PALM: variants seen among roughly 807,000 people sequenced by gnomAD.
PALM encodes the protein paralemmin, also known as paralemmin-1.
PALM carries 18 observed loss-of-function variants against 30.7 expected under a neutral mutation model. The observed-to-expected ratio is 0.59, with a 90% CI of 0.41 to 0.87. The LOEUF (loss-of-function observed/expected upper bound fraction) is 0.87. PALM is among the 40% of genes least tolerant of loss of function. PALM has a pLI of 0.00. For missense variants in PALM, 529 were observed against 555.4 expected (o/e 0.95, Z 0.48); for synonymous variants, 286 against 242.8 (o/e 1.18, Z -1.66).
chr19:729,796 A>G (rs1311311292), intron 4 of PALM, among the ~76,000 whole-genome samples: 1 of 152,008 alleles, frequency 6.6e-6, no homozygotes, highest in Non-Finnish European at 1.5e-5. Context: ...AACATTAAGC[A>G]CCAGCTGTGT....
rs541612640 is a variant in PALM at position 747,514 on chromosome 19, C to G, written c.*700C>G. ...GGTAACCCCTGGGCTATCTTCTAGA[C>G]GGGGCGAACCAGGGGTCATTGACCT... On this transcript the variant is annotated 3_prime_UTR_variant, in exon 9 of 9. Transcript: ENST00000338448. 1 of 152,658 alleles carries G rather than the reference C, an allele frequency of 6.6e-6. No individual in the cohort carries two copies. 9.5% of individuals were successfully genotyped at this position (152,658 alleles called of 1,614,324 possible). A position where few individuals can be genotyped will look rare whatever the true frequency, so the allele number is the denominator to read the frequency against.
At chr19:736,976 C>A (rs2033042404) in intron 7 of PALM, among the ~76,000 whole-genome samples, 1 of 152,234 alleles carries the variant, frequency 6.6e-6, no homozygotes, top group South Asian at 2.1e-4. Context: ...TCGCTTGAAC[C>A]TGGGAGGCGG....
In PALM at chr19:737,145, G is replaced by T. The variant is rs376253139; in HGVS notation, c.502+1067G>T. On this transcript the variant is annotated intron_variant, in intron 7 of 8. Coordinates refer to ENST00000338448, the MANE Select transcript of PALM (RefSeq NM_002579.3). ...TGGAAGGAAGGAGAGCCACCCGGAG[G>T]CCCAGGTCTCCAGCACGGTCCAGGG... Among the ~76,000 whole-genome samples, 23 of 152,318 alleles carry T rather than the reference G, an allele frequency of 1.5e-4. No homozygotes were observed. The South Asian group carries it at 1.9e-3, about 12-fold the overall frequency.
At chr19:741,767 G>T (rs1358616120) in intron 8 of PALM, among the ~76,000 whole-genome samples, 1 of 152,082 alleles carries the variant, frequency 6.6e-6, no homozygotes. Flanking sequence ...AGGCAAACAG[G>T]CTGTGGGAGA....
intron 1 of PALM, among the ~76,000 whole-genome samples, chr19:724,756 A>G (rs2032606111): frequency 6.6e-6 from 1 of 152,056 alleles, no homozygotes; most frequent in African/African-American, 2.4e-5. Flanking sequence ...AGCTGGGACT[A>G]CAGGCGCACA....
At position 747,125 on chromosome 19, in the gene PALM, C is replaced by T. The variant is rs966510701; in HGVS notation, c.*311C>T. 26 of 312,270 alleles carry T rather than the reference C, an allele frequency of 8.3e-5. 2 individuals carry two copies. The South Asian group carries it at 1.0e-3, about 12-fold the overall frequency. The allele number at this position is 312,270 out of a possible 1,614,324, so 19.3% of individuals were successfully genotyped here. On this transcript the variant is annotated 3_prime_UTR_variant, in exon 9 of 9. Transcript: ENST00000338448. ...CTTCACAGACGCGGCTCGCGCCCACCGGGGTCCTGGCGGGTGGGACCCGCA... is the reference window on the plus strand; with the variant it reads ...CTTCACAGACGCGGCTCGCGCCCACTGGGGTCCTGGCGGGTGGGACCCGCA...
At chr19:744,362 T>C (rs768504934) in intron 8 of PALM, among the ~76,000 whole-genome samples, 59 of 145,770 alleles carry the variant, frequency 4.0e-4, no homozygotes, top group Non-Finnish European at 6.9e-4. Flanking sequence ...ATGGCACCAC[T>C]GCACTCCAGC....
intron 7 of PALM, among the ~76,000 whole-genome samples, chr19:738,388 T>C (rs1444158715): frequency 3.3e-5 from 5 of 151,888 alleles, no homozygotes; most frequent in African/African-American, 4.8e-5. Flanking sequence ...TAGCTGGGCA[T>C]GGTGGCAGGT....
chr19:736,673 C>T (rs373361514), intron 7 of PALM, among the ~76,000 whole-genome samples: 93 of 152,284 alleles, frequency 6.1e-4, no homozygotes, highest in African/African-American at 2.1e-3. Flanking sequence ...TCCTGGGGCC[C>T]GGCACAGGAC....
chr19:726,012 G>T, intron 1 of PALM, 126 bp from the exon 2 acceptor site: 1 of 741,124 alleles, frequency 1.3e-6, no homozygotes, highest in Non-Finnish European at 2.4e-6. Flanking sequence ...GGGGAAACTG[G>T]GGTTCAGAGA....
intron 5 of PALM, among the ~76,000 whole-genome samples, chr19:733,287 T>G (rs1321385494): frequency 6.6e-6 from 1 of 152,148 alleles, no homozygotes. Context: ...GAAGGTTGTT[T>G]GAGCATGGAC....
chr19:712,965 C>T (rs908162068), intron 1 of PALM, among the ~76,000 whole-genome samples: 1 of 152,176 alleles, frequency 6.6e-6, no homozygotes, highest in East Asian at 1.9e-4. Flanking sequence ...TGTGAGGCAC[C>T]GTGCACGGCC....
intron 1 of PALM, among the ~76,000 whole-genome samples, chr19:710,693 G>T (rs11085180): frequency 4.3e-4 from 4 of 9,328 alleles, no homozygotes; most frequent in African/African-American, 3.7e-3. Flanking sequence ...ACCTGGGGCC[G>T]GGGGGCCTCG....
intron 1 of PALM, among the ~76,000 whole-genome samples, chr19:723,296 G>A (rs1240405591): frequency 2.0e-5 from 3 of 152,122 alleles, no homozygotes; most frequent in Admixed American, 1.3e-4. Context: ...GAGGGCTGGG[G>A]GTGGCAGCAG....
At position 712,560 on chromosome 19, in the gene PALM, T is replaced by G. The variant is rs2032114616; in HGVS notation, c.5+3409T>G. Among the ~76,000 whole-genome samples, 4 of 150,508 alleles carry G rather than the reference T, an allele frequency of 2.7e-5. No individual in the cohort carries two copies. The Admixed American group carries it at 2.7e-4, about 10-fold the overall frequency. ...CATCACGCCCGGCTAATTTTTTGTGTTTTTGGTAGAGACAGGGTTTCACAG... is the reference window on the plus strand; with the variant it reads ...CATCACGCCCGGCTAATTTTTTGTGGTTTTGGTAGAGACAGGGTTTCACAG... On this transcript the variant is annotated intron_variant, in intron 1 of 8. Transcript: ENST00000338448.
chr19:743,979 T>G (rs1379418608), intron 8 of PALM, among the ~76,000 whole-genome samples: 1 of 152,248 alleles, frequency 6.6e-6, no homozygotes, highest in Non-Finnish European at 1.5e-5. Context: ...TTTAGGACTG[T>G]TAACAGAGTT....
rs2031986191 is a variant in PALM, at chr19:709,204, G to A, written c.5+53G>A. On this transcript the variant is annotated intron_variant, in intron 1 of 8. Coordinates refer to ENST00000338448, the MANE Select transcript of PALM (RefSeq NM_002579.3). This position sits in a 1 kb window ranked among gnomAD's most constrained non-coding sequence, Gnocchi z 4.3. ...CTGGGGGCCCGGAGCTCCGGGAGCC[G>A]GGGAGGGGGGAGGCCCCCTCTCTCG... 2 of 307,022 alleles carry A rather than the reference G, an allele frequency of 6.5e-6. No homozygotes were observed. The highest frequency in any genetic ancestry group is 1.4e-4 in the South Asian group (1 of 6,966). 19.0% of individuals were successfully genotyped at this position (307,022 alleles called of 1,614,324 possible).
Position 748,157 on chromosome 19 carries a change from T to A in PALM, c.*1343T>A, listed in dbSNP as rs888042499. On this transcript the variant is annotated 3_prime_UTR_variant, in exon 9 of 9. Transcript: ENST00000338448. Reference sequence around the variant, plus strand: ...AGGAGAGGCCCTCTCGGGGGTGACCTGGGCGTCAGCCGTGGAACCCCCTCC... The same window carrying A: ...AGGAGAGGCCCTCTCGGGGGTGACCAGGGCGTCAGCCGTGGAACCCCCTCC... The A allele has an allele frequency of 6.6e-6, 1 of 152,382 alleles. No individual in the cohort carries two copies. The highest frequency in any genetic ancestry group is 2.4e-5 in the African/African-American group (1 of 41,426). The allele number at this position is 152,382 out of a possible 1,614,324, so 9.4% of individuals were successfully genotyped here. A position where few individuals can be genotyped will look rare whatever the true frequency, so the allele number is the denominator to read the frequency against.
rs1455358648 is a variant in PALM, at chr19:742,968, C to T, written c.634+2485C>T. ...CGACTGTGTGGAGCTCCGTGAGGAC[C>T]TGCTGTTTTCCACGGAGGCTGCACC... On this transcript the variant is annotated intron_variant, in intron 8 of 8. Coordinates refer to ENST00000338448, the MANE Select transcript of PALM (RefSeq NM_002579.3). This position sits in a 1 kb window ranked among gnomAD's most constrained non-coding sequence, Gnocchi z 5.5. 2.6e-5 allele frequency among the ~76,000 whole-genome samples: 4 copies of T among 152,142 alleles called. No homozygotes were observed. Among genetic ancestry groups the T allele is most frequent in the Non-Finnish European group, 5.9e-5 (4 of 68,018 alleles).
Sources: allele counts gnomAD v4.1 joint callset (sites outside exome capture counted in the v4.1 genomes callset), GRCh38; gene constraint gnomAD v4.1.1; non-coding constraint Gnocchi (gnomAD v3.1); transcripts MANE v1.5; gene names NCBI Gene and HGNC (gene_info 2026-07-23, HGNC 2026-07-21).